The following MDN1 variants were observed in gnomAD, a reference collection of about 807,000 sequenced individuals.
The protein encoded by MDN1 is midasin.
Under a neutral mutation model 669.2 loss-of-function variants are expected in MDN1, and 266 were observed. The observed-to-expected ratio is 0.40, with a 90% CI of 0.36 to 0.44. The LOEUF (loss-of-function observed/expected upper bound fraction) is 0.44. Ranked by LOEUF, MDN1 falls within the 20% of genes least tolerant of loss-of-function variation. The pLI, the probability that MDN1 is intolerant of heterozygous loss-of-function variation, is 1.00. For synonymous variants in MDN1, 2,385 were observed against 2,457.1 expected (o/e 0.97, Z 0.87); for missense variants, 5,940 against 6,754.0 (o/e 0.88, Z 4.22).
At chr6:89,698,767 G>C in intron 59 of MDN1, 98 bp downstream of exon 59, 1 of 1,225,158 alleles carries the variant, frequency 8.2e-7, no homozygotes, top group East Asian at 2.3e-5. Context: ...CACCTGTTTA[G>C]TCACCACTCT....
chr6:89,654,795 T>A (rs1394474166), intron 92 of MDN1, among the ~76,000 whole-genome samples: 1 of 152,214 alleles, frequency 6.6e-6, no homozygotes, highest in Non-Finnish European at 1.5e-5. Context: ...TTATCTTGAC[T>A]TGATCATTAA....
rs142542660 is a variant in MDN1 at position 89,769,169 on chromosome 6, A to T, written c.2144+2392T>A. Among the ~76,000 whole-genome samples, 72 of 152,296 alleles carry T rather than the reference A, an allele frequency of 4.7e-4. No homozygotes were observed. The East Asian group carries it at 0.014, about 29-fold the overall frequency. ...CAGATGAAACCAGCAACACGGCCTG[A>T]GGATAGGAATATTTATCTTTTCCCT... On this transcript the variant is annotated intron_variant, in intron 15 of 101. Transcript: ENST00000369393.
intron 37 of MDN1, among the ~76,000 whole-genome samples, chr6:89,726,212 A>G (rs550739962): frequency 3.3e-5 from 5 of 152,060 alleles, no homozygotes; most frequent in African/African-American, 1.2e-4. Context: ...TGTAATCCCA[A>G]CACTTTGGAA....
At chr6:89,784,902 A>T (rs750632057) in intron 9 of MDN1, 110 bp downstream of exon 9, 3 of 703,636 alleles carry the variant, frequency 4.3e-6, no homozygotes, top group Admixed American at 2.4e-5. Flanking sequence ...TAGCACACAG[A>T]CTGCAAAATT....
rs200864366 is a variant in MDN1, at chr6:89,740,381, A to G, written c.4449-3T>C. ...GAGACTTTTCTACTTCAAGGACACTAAAAGAAAAATTGAAGAACAGTGAAA... is the reference window on the plus strand; with the variant it reads ...GAGACTTTTCTACTTCAAGGACACTGAAAGAAAAATTGAAGAACAGTGAAA... On this transcript the variant is annotated splice_region_variant and splice_polypyrimidine_tract_variant and intron_variant, in intron 31 of 101. Coordinates refer to ENST00000369393, the MANE Select transcript of MDN1 (RefSeq NM_014611.3). 3.8e-6 allele frequency: 6 copies of G among 1,571,324 alleles called. No homozygotes were observed. The highest frequency in any genetic ancestry group is 5.1e-6 in the Non-Finnish European group (6 of 1,167,746).
rs1287022810 is a variant in MDN1 at position 89,671,002 on chromosome 6, G to A, written c.13873C>T (p.Leu4625=). Residue 4625 remains leucine (L), a synonymous_variant, in exon 83 of 102, where the codon CTG becomes TTG. Transcript: ENST00000369393. The stretch of plus-strand genomic sequence containing the variant: ...CGGTGAGTTGCTAAAGACATGGTCA[G>A]GAAGAAGAGGACGAGGTCTGAGTAG... ...SSYSDLVLFF[L]TMSLATHRST... is the part of the protein sequence containing the mutation. 1.2e-6 allele frequency: 2 copies of A among 1,614,198 alleles called. No individual in the cohort carries two copies. The highest frequency in any genetic ancestry group is 1.7e-5 in the Admixed American group (1 of 60,032).
At chr6:89,727,651 T>C (rs962252819) in intron 37 of MDN1, among the ~76,000 whole-genome samples, 182 bp downstream of exon 37, 2 of 152,228 alleles carry the variant, frequency 1.3e-5, no homozygotes, top group African/African-American at 4.8e-5. Context: ...GGGCCTCTTT[T>C]TGTGTATTCT....
chr6:89,667,166 T>G (rs2128302670), intron 84 of MDN1, among the ~76,000 whole-genome samples: 1 of 152,290 alleles, frequency 6.6e-6, no homozygotes, highest in East Asian at 1.9e-4. Context: ...TTCTATTAGA[T>G]TTGCTTTTGC....
chr6:89,817,284 C>A (rs1768904468), intron 1 of MDN1, among the ~76,000 whole-genome samples: 1 of 152,174 alleles, frequency 6.6e-6, no homozygotes, highest in Admixed American at 6.6e-5. Flanking sequence ...CAGAATAAAT[C>A]TCTTAGAATA....
chr6:89,725,100 C>A, intron 38 of MDN1, 99 bp downstream of exon 38: 1 of 1,089,654 alleles, frequency 9.2e-7, no homozygotes. Flanking sequence ...TAAGCTGATC[C>A]TCTCTAATTC....
chr6:89,716,536 C>A, intron 44 of MDN1, 114 bp downstream of exon 44: 1 of 1,198,748 alleles, frequency 8.3e-7, no homozygotes, highest in South Asian at 1.6e-5. Context: ...AGGACGCTTG[C>A]GTAATTAAGA....
intron 1 of MDN1, among the ~76,000 whole-genome samples, chr6:89,808,298 T>C (rs542461045): frequency 1.6e-4 from 24 of 152,294 alleles, no homozygotes; most frequent in African/African-American, 4.8e-4. Context: ...TTTTGCTCTC[T>C]TCCTTTGTTC....
chr6:89,661,174 AC>A (rs780557013), intron 88 of MDN1, among the ~76,000 whole-genome samples: 3 of 152,216 alleles, frequency 2.0e-5, no homozygotes, highest in Non-Finnish European at 4.4e-5. Flanking sequence ...GTGAAGCACC[AC>A]CAGGGCATAG....
At position 89,689,950 on chromosome 6, in the gene MDN1, T is replaced by C; in HGVS notation, c.10943A>G (p.Glu3648Gly). ...LWYQQTLPPH[E>G]AKHYLSLFLS... The stretch of plus-strand genomic sequence containing the variant: ...AAACAGGCTGAGGTAATGCTTTGCT[T>C]CATGTGGCGGCAGAGTCTGTTGATA... The change falls in exon 65 of 102, where the codon GAA (glutamate) becomes GGA (glycine). Residue 3648 changes from glutamate to glycine, a missense_variant. This residue lies in a region of MDN1 where 2,280 missense variants were observed against 2,576.3 expected (regional missense o/e 0.88). Transcript: ENST00000369393. 1 of 1,614,232 alleles carries C rather than the reference T, an allele frequency of 6.2e-7. No homozygotes were observed. Among genetic ancestry groups the C allele is most frequent in the Non-Finnish European group, 8.5e-7 (1 of 1,180,026 alleles).
Position 89,680,723 on chromosome 6 carries a change from G to C in MDN1, c.12131C>G (p.Ala4044Gly). 1 of 1,614,128 alleles carries C rather than the reference G, an allele frequency of 6.2e-7. No homozygotes were observed. The highest frequency in any genetic ancestry group is 8.5e-7 in the Non-Finnish European group (1 of 1,180,018). The change falls in exon 74 of 102, where the codon GCT becomes GGT. Residue 4044 changes from alanine (A) to glycine (G), a missense_variant. This residue lies in a region of MDN1 where 2,280 missense variants were observed against 2,576.3 expected (regional missense o/e 0.88). Coordinates refer to ENST00000369393, the MANE Select transcript of MDN1 (RefSeq NM_014611.3). The part of the protein sequence containing the change: ...QATIPEWCQG[A>G]APSGLEGELL... ...CTCCCCTTCCAAGCCGGAAGGAGCA[G>C]CGCCCTGACACCACTCTGGAATTGT...
chr6:89,816,828 C>T (rs576325339), intron 1 of MDN1, among the ~76,000 whole-genome samples: 2 of 152,106 alleles, frequency 1.3e-5, no homozygotes, highest in Admixed American at 6.6e-5. Context: ...GTGCCCGCCA[C>T]CATGCCCAGC....
chr6:89,758,604 C>T (rs960359143), intron 18 of MDN1, among the ~76,000 whole-genome samples: 1 of 152,208 alleles, frequency 6.6e-6, no homozygotes, highest in Non-Finnish European at 1.5e-5. Flanking sequence ...TTATCCACAA[C>T]TCAAACACCT....
At chr6:89,815,300 T>G in intron 1 of MDN1, 3 of 478,240 alleles carry the variant, frequency 6.3e-6, no homozygotes, top group Non-Finnish European at 4.1e-6. Context: ...GGAGCAGGAA[T>G]TCGGCATCTC....
rs768924385 is a variant in MDN1 at position 89,785,028 on chromosome 6, T to C, written c.1433A>G (p.Lys478Arg). 5.0e-6 allele frequency: 8 copies of C among 1,612,442 alleles called. No homozygotes were observed. Among genetic ancestry groups the C allele is most frequent in the Middle Eastern group, 1.6e-4 (1 of 6,062 alleles). The change falls in exon 9 of 102, where the codon AAG (lysine) becomes AGG (arginine). Residue 478 changes from lysine to arginine, a missense_variant. Physicochemically the swap from Lys to Arg is conservative, Grantham distance 26 (BLOSUM62 2). This residue lies in a region of MDN1 where 1,203 missense variants were observed against 1,268.9 expected (regional missense o/e 0.95). Transcript: ENST00000369393. Reference sequence around the variant, plus strand: ...CCCACGTACCTCATTCAGTTCTCTCTTATCCAGGTTATCCAGGTGAATTTT... The same window carrying C: ...CCCACGTACCTCATTCAGTTCTCTCCTATCCAGGTTATCCAGGTGAATTTT... ...WTKIHLDNLD[K>R]RELNEVLQSR...
Sources: gnomAD v4.1 joint callset for allele counts (sites outside exome capture counted in the v4.1 genomes callset) on GRCh38, gnomAD v4.1.1 for gene constraint, gnomAD v4.1.1 regional missense constraint, MANE v1.5 for transcripts, NCBI Gene and HGNC (gene_info 2026-07-23, HGNC 2026-07-21) for gene names.